CELF2: variants seen among roughly 807,000 people sequenced by gnomAD.
CELF2 encodes CUGBP Elav-like family member 2.
Under a neutral mutation model 62.6 loss-of-function variants are expected in CELF2, and 8 were observed. The observed-to-expected ratio is 0.13, with a 90% CI of 0.07 to 0.23. CELF2 has a LOEUF of 0.23. Among genes scored for constraint, CELF2 ranks in the 10% least tolerant of loss-of-function variants. The pLI, the probability that CELF2 is intolerant of heterozygous loss-of-function variation, is 1.00. For synonymous variants in CELF2, 258 were observed against 250.0 expected (o/e 1.03, Z -0.30); for missense variants, 333 against 671.0 (o/e 0.50, Z 5.56).
At chr10:10,775,866 A>G in the CELF2 span, among the ~76,000 whole-genome samples, 279 of 152,326 alleles carry the variant, frequency 1.8e-3, 2 homozygotes, top group South Asian at 0.013. Flanking sequence ...TTCTTTTCCT[A>G]ACACGATGCC....
At position 10,907,777 on chromosome 10, in the gene CELF2, A is replaced by T. The variant is rs933627013; in HGVS notation, c.54-12187A>T. Reference sequence around the variant, plus strand: ...GCTACAGAAAAAAGACGTATTGGAGATTGTTAAAATGAGAGATTTGGACAT... The same window carrying T: ...GCTACAGAAAAAAGACGTATTGGAGTTTGTTAAAATGAGAGATTTGGACAT... On this transcript the variant is annotated intron_variant, in intron 1 of 13. Coordinates refer to the CELF2 transcript ENST00000636488. Among the ~76,000 whole-genome samples the T allele has an allele frequency of 2.0e-5, 3 of 152,198 alleles. No homozygotes were observed. The East Asian group carries it at 5.8e-4, about 29-fold the overall frequency.
the CELF2 span, among the ~76,000 whole-genome samples, chr10:10,773,818 C>T: frequency 6.6e-6 from 1 of 152,198 alleles, no homozygotes; most frequent in African/African-American, 2.4e-5. Flanking sequence ...TCCTTCTTCA[C>T]ATGGCCCAGA....
At chr10:10,929,801 G>C (rs142414744) in intron 2 of CELF2, 2 of 152,328 alleles carry the variant, frequency 1.3e-5, no homozygotes, top group Non-Finnish European at 2.9e-5. Flanking sequence ...GGAGATGAGA[G>C]AGCATCAAGC....
chr10:10,871,422 C>A (rs745978576), intron 1 of CELF2, among the ~76,000 whole-genome samples: 1 of 152,144 alleles, frequency 6.6e-6, no homozygotes, highest in Non-Finnish European at 1.5e-5. Context: ...CCACCTGTGA[C>A]TTGACGTCTG....
At chr10:10,932,887 C>T (rs1446111010) in intron 2 of CELF2, among the ~76,000 whole-genome samples, 1 of 152,016 alleles carries the variant, frequency 6.6e-6, no homozygotes, top group Non-Finnish European at 1.5e-5. Context: ...GGAGACCCAG[C>T]CAACTGGTTT....
chr10:11,289,529 A>C (rs907500444), intron 9 of CELF2, among the ~76,000 whole-genome samples: 3 of 152,230 alleles, frequency 2.0e-5, no homozygotes, highest in Non-Finnish European at 4.4e-5. Context: ...TTGTCTCTGC[A>C]TAAAACATTG....
intron 1 of CELF2, among the ~76,000 whole-genome samples, chr10:11,151,439 T>C (rs2063317016): frequency 6.6e-6 from 1 of 152,198 alleles, no homozygotes; most frequent in Non-Finnish European, 1.5e-5. Context: ...GTTTATGGAT[T>C]GTTGGTTTTG....
chr10:10,951,166 TTA>T (rs1469052381), intron 2 of CELF2, among the ~76,000 whole-genome samples: 1 of 152,194 alleles, frequency 6.6e-6, no homozygotes, highest in Admixed American at 6.5e-5. Context: ...TCTTTTCTTT[TTA>T]GAGATGGGGT....
chr10:11,137,876 C>T (rs577250799), intron 1 of CELF2, among the ~76,000 whole-genome samples: 4 of 152,248 alleles, frequency 2.6e-5, no homozygotes, highest in Non-Finnish European at 4.4e-5. Context: ...TTCAAGTGTT[C>T]CCTTGTAATG....
chr10:10,927,504 T>C (rs2065644231), intron 2 of CELF2, among the ~76,000 whole-genome samples: 1 of 152,132 alleles, frequency 6.6e-6, no homozygotes, highest in Non-Finnish European at 1.5e-5. Context: ...CATAGCACAC[T>C]GCAGCCTCGA....
chr10:10,849,706 T>C lies in CELF2; in HGVS notation c.53+50889T>C, dbSNP rs147333094. On this transcript the variant is annotated intron_variant, in intron 1 of 13. Coordinates refer to the CELF2 transcript ENST00000636488. Reference sequence around the variant, plus strand: ...TGACACAATCTGGCTCGCTCTCCAATTGTCTCGATAATGTGTTTTATCATA... The same window carrying C: ...TGACACAATCTGGCTCGCTCTCCAACTGTCTCGATAATGTGTTTTATCATA... Among the ~76,000 whole-genome samples the C allele has an allele frequency of 5.0e-3, 768 of 152,286 alleles. 8 individuals carry two copies. The highest frequency in any genetic ancestry group is 0.017 in the African/African-American group (706 of 41,554).
At chr10:11,090,385 A>G (rs924884501) in intron 1 of CELF2, among the ~76,000 whole-genome samples, 4 of 152,196 alleles carry the variant, frequency 2.6e-5, no homozygotes, top group Non-Finnish European at 5.9e-5. Context: ...GAAGTACATC[A>G]TGTCTGAATC....
Position 11,075,620 on chromosome 10 carries a change from G to T in CELF2, c.74+57457G>T, listed in dbSNP as rs1302398631. ...ATACGTATGGACTTAAATGTCCAGG[G>T]TCTACAGTGAATGTTGGTTTAGCGT... On this transcript the variant is annotated intron_variant, in intron 1 of 12. Transcript: ENST00000633077. This position sits in a 1 kb window ranked among gnomAD's most constrained non-coding sequence, Gnocchi z 5.4. 6.6e-6 allele frequency among the ~76,000 whole-genome samples: 1 copy of T among 152,152 alleles called. No individual in the cohort carries two copies. The highest frequency in any genetic ancestry group is 6.5e-5 in the Admixed American group (1 of 15,278).
chr10:10,871,107 T>C (rs1424009043), intron 1 of CELF2, among the ~76,000 whole-genome samples: 2 of 152,182 alleles, frequency 1.3e-5, no homozygotes, highest in African/African-American at 4.8e-5. Context: ...GGTGGCTATG[T>C]AGAGCCGGTT....
At chr10:10,708,185 C>T in the CELF2 span, among the ~76,000 whole-genome samples, 3 of 152,136 alleles carry the variant, frequency 2.0e-5, no homozygotes, top group Admixed American at 2.0e-4. Context: ...TTACCCATTG[C>T]ACAGTATTTC....
chr10:11,205,262 G>A (rs569262312), intron 2 of CELF2, among the ~76,000 whole-genome samples: 33 of 152,302 alleles, frequency 2.2e-4, no homozygotes, highest in African/African-American at 6.7e-4. Context: ...GAAGCACAGC[G>A]GCAGCGCAGC....
intron 8 of CELF2, among the ~76,000 whole-genome samples, chr10:11,286,309 G>A (rs934746745): frequency 2.6e-5 from 4 of 152,192 alleles, no homozygotes; most frequent in Non-Finnish European, 2.9e-5. Context: ...GTCATTAATC[G>A]GTGCCATATG....
chr10:11,275,028 C>G (rs769011947), intron 7 of CELF2, 29 bp from the exon 8 acceptor site: 13 of 1,611,404 alleles, frequency 8.1e-6, no homozygotes, highest in Non-Finnish European at 1.1e-5. Flanking sequence ...CTCACCGTCT[C>G]CACTTTGCCC....
chr10:10,473,157 T>A, the CELF2 span, among the ~76,000 whole-genome samples: 1 of 152,024 alleles, frequency 6.6e-6, no homozygotes, highest in African/African-American at 2.4e-5. Context: ...TTAGTTAAGA[T>A]GAAATCATAC....
Sources: gnomAD v4.1 joint callset for allele counts (sites outside exome capture counted in the v4.1 genomes callset) on GRCh38, gnomAD v4.1.1 for gene constraint, Gnocchi (gnomAD v3.1) non-coding constraint, MANE v1.5 for transcripts, NCBI Gene and HGNC (gene_info 2026-07-23, HGNC 2026-07-21) for gene names.